CPN2: variants seen among roughly 807,000 people sequenced by gnomAD.
The protein encoded by CPN2 is carboxypeptidase N 83 kDa chain.
For missense variants in CPN2, 620 were observed against 671.4 expected (o/e 0.92, Z 0.85); for synonymous variants, 336 against 318.4 (o/e 1.06, Z -0.59).
At chr3:194,346,957 G>A (rs1713067402) in intron 1 of CPN2, among the ~76,000 whole-genome samples, 2 of 152,182 alleles carry the variant, frequency 1.3e-5, no homozygotes, top group Non-Finnish European at 2.9e-5. Flanking sequence ...GAGATTCTGA[G>A]GGCTCTGACT....
chr3:194,349,776 TTC>T (rs1713196007), intron 1 of CPN2, among the ~76,000 whole-genome samples: 1 of 87,928 alleles, frequency 1.1e-5, no homozygotes, highest in African/African-American at 4.9e-5. Flanking sequence ...GACTACCCTC[TTC>T]TTTTTTTTTT....
rs372971593 is a variant in CPN2, at chr3:194,346,250, G to A, written c.-3-3545C>T. Among the ~76,000 whole-genome samples the A allele has an allele frequency of 8.5e-5, 13 of 152,358 alleles. No individual in the cohort carries two copies. The East Asian group carries it at 1.7e-3, about 20-fold the overall frequency. On this transcript the variant is annotated intron_variant, in intron 1 of 1. Coordinates refer to ENST00000323830, the MANE Select transcript of CPN2 (RefSeq NM_001080513.4). ...CGGGCTCTGCAGGGAAGATGGACCC[G>A]GGGAGGCAGCCCACGGAGGCCGGGG...
rs532261114 is a variant in CPN2, at chr3:194,350,054, G to A, written c.-4+1188C>T. On this transcript the variant is annotated intron_variant, in intron 1 of 1. Coordinates refer to ENST00000323830, the MANE Select transcript of CPN2 (RefSeq NM_001080513.4). Reference sequence around the variant, plus strand: ...TGACCTCAGGTGATCCGCCTGCCTCGGCCTCCCAAAGTGCTGGGATTACAG... The same window carrying A: ...TGACCTCAGGTGATCCGCCTGCCTCAGCCTCCCAAAGTGCTGGGATTACAG... Among the ~76,000 whole-genome samples the A allele has an allele frequency of 1.4e-4, 21 of 151,948 alleles. No homozygotes were observed. The South Asian group carries it at 4.0e-3, about 29-fold the overall frequency.
intron 1 of CPN2, among the ~76,000 whole-genome samples, chr3:194,346,052 G>A (rs1319591630): frequency 6.6e-6 from 1 of 152,196 alleles, no homozygotes; most frequent in African/African-American, 2.4e-5. Context: ...TGGGGGTTTG[G>A]CTGAGGGGTT....
rs143376648 is a variant in CPN2, at chr3:194,341,055, T to G, written c.*10A>C. 46 of 1,584,656 alleles carry G rather than the reference T, an allele frequency of 2.9e-5. No homozygotes were observed. The East Asian group carries it at 1.0e-3, about 36-fold the overall frequency. On this transcript the variant is annotated 3_prime_UTR_variant, in exon 2 of 2. Transcript: ENST00000323830. ...GAGGCCCCCTTCCCCAGCTCCTGTA[T>G]GCGCTGCTACTAGGGCCCTGCTGCC...
At chr3:194,350,269 T>C (rs923452851) in intron 1 of CPN2, among the ~76,000 whole-genome samples, 5 of 151,638 alleles carry the variant, frequency 3.3e-5, no homozygotes, top group African/African-American at 9.7e-5. Flanking sequence ...GGCCAGGCAC[T>C]GAGAAGGCAG....
At chr3:194,344,078 G>A (rs1230150235) in intron 1 of CPN2, among the ~76,000 whole-genome samples, 1 of 152,110 alleles carries the variant, frequency 6.6e-6, no homozygotes, top group African/African-American at 2.4e-5. Flanking sequence ...GGTCCCTAGC[G>A]CTCCTCGCTG....
intron 1 of CPN2, among the ~76,000 whole-genome samples, chr3:194,349,932 G>A (rs79606262): frequency 0.029 from 4,419 of 151,582 alleles, 239 homozygotes; most frequent in African/African-American, 0.1. Context: ...CTCCCGAGTA[G>A]TTGGGATTAC....
Position 194,340,862 on chromosome 3 carries a change from C to T in CPN2, c.*203G>A, listed in dbSNP as rs1471355302. 2 of 801,818 alleles carry T rather than the reference C, an allele frequency of 2.5e-6. No homozygotes were observed. Among genetic ancestry groups the T allele is most frequent in the Non-Finnish European group, 3.8e-6 (2 of 529,522 alleles). 49.7% of individuals were successfully genotyped at this position (801,818 alleles called of 1,614,324 possible). The stretch of plus-strand genomic sequence containing the variant: ...AAGGATGGCCTTGTTAGGCCGCACA[C>T]TCCAGGAGAAGCGATGAAGGAAGAG... On this transcript the variant is annotated 3_prime_UTR_variant, in exon 2 of 2. Transcript: ENST00000323830.
At chr3:194,347,087 T>C (rs1325482282) in intron 1 of CPN2, among the ~76,000 whole-genome samples, 2 of 151,944 alleles carry the variant, frequency 1.3e-5, no homozygotes, top group Non-Finnish European at 2.9e-5. Flanking sequence ...AGGGCCACAG[T>C]GGGGTGGCAG....
chr3:194,341,791 G>T lies in CPN2; in HGVS notation c.912C>A (p.Val304=). ...ACAGGTGGGCAAAGGTGCCCTCAGC[G>T]ACAGTCTCCAGCTGGTTATGGGTCA... ...LSLTHNQLET[V]AEGTFAHLSN... is the part of the protein sequence containing the mutation. The change falls in exon 2 of 2, where the codon GTC becomes GTA. Residue 304 remains valine, a synonymous_variant. Coordinates refer to ENST00000323830, the MANE Select transcript of CPN2 (RefSeq NM_001080513.4). 1 of 1,614,046 alleles carries T rather than the reference G, an allele frequency of 6.2e-7. No homozygotes were observed. Among genetic ancestry groups the T allele is most frequent in the Non-Finnish European group, 8.5e-7 (1 of 1,179,934 alleles).
chr3:194,348,581 T>G (rs1713144438), intron 1 of CPN2, among the ~76,000 whole-genome samples: 1 of 152,210 alleles, frequency 6.6e-6, no homozygotes. Flanking sequence ...ATGGAAACCC[T>G]CTCTGCTATG....
chr3:194,340,993 T>C lies in CPN2; in HGVS notation c.*72A>G. ...AAAGCCAAGGCTTCGGAGACTCAGC[T>C]CCCCTCCGCCCCTACCTGTCGCCTG... On this transcript the variant is annotated 3_prime_UTR_variant, in exon 2 of 2. Transcript: ENST00000323830. 6.8e-7 allele frequency: 1 copy of C among 1,473,338 alleles called. No homozygotes were observed. The highest frequency in any genetic ancestry group is 9.0e-7 in the Non-Finnish European group (1 of 1,114,796). 91.3% of individuals were successfully genotyped at this position (1,473,338 alleles called of 1,614,324 possible).
rs1712781367 is a variant in CPN2, at chr3:194,341,025, C to CG, written c.*39_*40insC. 6.5e-7 allele frequency: 1 copy of CG among 1,542,488 alleles called. No homozygotes were observed. The highest frequency in any genetic ancestry group is 8.7e-7 in the Non-Finnish European group (1 of 1,143,332). On this transcript the variant is annotated 3_prime_UTR_variant, in exon 2 of 2. Transcript: ENST00000323830. The stretch of plus-strand genomic sequence containing the variant: ...CGCCCCTACCTGTCGCCTGGTCAGG[C>CG]CCCAGAGGCCCCCTTCCCCAGCTCC...
At position 194,341,600 on chromosome 3, in the gene CPN2, AG is replaced by A. The variant is rs911605161; in HGVS notation, c.1102del (p.Leu368SerfsTer6). The A allele has an allele frequency of 6.2e-7, 1 of 1,613,948 alleles. No individual in the cohort carries two copies. The highest frequency in any genetic ancestry group is 8.5e-7 in the Non-Finnish European group (1 of 1,180,036). On this transcript the variant is annotated frameshift_variant, in exon 2 of 2. Coordinates refer to ENST00000323830, the MANE Select transcript of CPN2 (RefSeq NM_001080513.4). LOFTEE classifies it low-confidence loss of function (END_TRUNC). ...QNLSKLELLS[L>X]SKNQLTTLPE... is the part of the protein sequence containing the mutation. ...AAGTGTGGTCAGCTGGTTCTTGGAG[AG>A]GCTGAGCAGCTCCAGCTTGGACAGG...
intron 1 of CPN2, among the ~76,000 whole-genome samples, chr3:194,344,955 G>A (rs1712994203): frequency 6.6e-6 from 1 of 152,138 alleles, no homozygotes; most frequent in East Asian, 1.9e-4. Flanking sequence ...CACACACACA[G>A]CTGCCACTAG....
At chr3:194,350,140 ATGTT>A (rs1487793616) in intron 1 of CPN2, among the ~76,000 whole-genome samples, 2 of 151,834 alleles carry the variant, frequency 1.3e-5, no homozygotes, top group African/African-American at 4.8e-5. Context: ...ACTGTGTTGA[ATGTT>A]TGGGCTCTTC....
At chr3:194,348,638 C>A (rs982607528) in intron 1 of CPN2, among the ~76,000 whole-genome samples, 2 of 152,192 alleles carry the variant, frequency 1.3e-5, no homozygotes, top group African/African-American at 4.8e-5. Flanking sequence ...TGCCTGTCAT[C>A]CCAGCACTTT....
chr3:194,342,879 T>C (rs559736504), intron 1 of CPN2, among the ~76,000 whole-genome samples, 174 bp from the exon 2 acceptor site: 1 of 152,078 alleles, frequency 6.6e-6, no homozygotes, highest in South Asian at 2.1e-4. Flanking sequence ...CTTCTCAGAC[T>C]GGGGAAAGAA....
Sources: allele counts gnomAD v4.1 joint callset (sites outside exome capture counted in the v4.1 genomes callset), GRCh38; gene constraint gnomAD v4.1.1; transcripts MANE v1.5; gene names NCBI Gene and HGNC (gene_info 2026-07-23, HGNC 2026-07-21).